Variants in SKIC8 observed in about 807,000 individuals in gnomAD.
SKIC8 encodes the protein SKI8 subunit of superkiller complex.
At chr15:78,296,698 T>C in the SKIC8 span, among the ~76,000 whole-genome samples, 21 of 152,168 alleles carry the variant, frequency 1.4e-4, no homozygotes, top group Non-Finnish European at 2.4e-4. Context: ...AGATGGGGTC[T>C]CCCTATGTTG....
the SKIC8 span, chr15:78,292,782 A>G: frequency 1.1e-5 from 17 of 1,613,312 alleles, no homozygotes; most frequent in Non-Finnish European, 1.3e-5. Context: ...CCAGCCTCTC[A>G]TCACGCCTTC....
At chr15:78,291,922 G>A in the SKIC8 span, 2 of 152,256 alleles carry the variant, frequency 1.3e-5, no homozygotes, top group Non-Finnish European at 2.9e-5. Context: ...AAGTAAATGT[G>A]AAGTTCAAAA....
the SKIC8 span, among the ~76,000 whole-genome samples, chr15:78,298,181 A>G: frequency 3.9e-5 from 6 of 152,326 alleles, no homozygotes; most frequent in African/African-American, 1.4e-4. Context: ...GCTGAAGCAC[A>G]GGCTTGTCCT....
At chr15:78,289,880 C>G in the SKIC8 span, 1 of 1,578,068 alleles carries the variant, frequency 6.3e-7, no homozygotes, top group East Asian at 2.2e-5. Context: ...GAATCTGTGG[C>G]AAGGACTGCA....
chr15:78,285,295 G>C, the SKIC8 span: 1 of 1,614,228 alleles, frequency 6.2e-7, no homozygotes, highest in Non-Finnish European at 8.5e-7. Flanking sequence ...GTGAACACAA[G>C]TCCTCGTTCC....
At chr15:78,291,507 C>G in the SKIC8 span, among the ~76,000 whole-genome samples, 1 of 152,054 alleles carries the variant, frequency 6.6e-6, no homozygotes, top group African/African-American at 2.4e-5. Flanking sequence ...ATACATATCC[C>G]ACCCCACGTA....
At chr15:78,289,738 T>C in the SKIC8 span, 2 of 1,603,004 alleles carry the variant, frequency 1.2e-6, no homozygotes, top group South Asian at 2.2e-5. Context: ...ATGGAGAAAT[T>C]AGCACTTTCA....
At chr15:78,291,929 A>G in the SKIC8 span, 1 of 152,384 alleles carries the variant, frequency 6.6e-6, no homozygotes, top group Admixed American at 6.5e-5. Flanking sequence ...TGTGAAGTTC[A>G]AAAGAATCCT....
At chr15:78,285,099 A>G in the SKIC8 span, 1 of 652,132 alleles carries the variant, frequency 1.5e-6, no homozygotes, top group Non-Finnish European at 2.7e-6. Context: ...CAGACTCTGC[A>G]CAGGAACTCT....
chr15:78,285,449 C>T, the SKIC8 span: 15 of 898,796 alleles, frequency 1.7e-5, no homozygotes, highest in East Asian at 1.0e-4. Flanking sequence ...CCCCATGCCT[C>T]GGTACAGGAA....
chr15:78,292,591 T>A, the SKIC8 span: 5 of 1,613,972 alleles, frequency 3.1e-6, no homozygotes, highest in South Asian at 4.4e-5. Context: ...ACCTCTATTA[T>A]CTCCCCTACA....
the SKIC8 span, chr15:78,294,971 G>A: frequency 2.8e-5 from 45 of 1,613,816 alleles, no homozygotes; most frequent in African/African-American, 6.7e-5. Flanking sequence ...AGAGAATACC[G>A]TACTAAAAAA....
chr15:78,298,416 G>C, the SKIC8 span, among the ~76,000 whole-genome samples: 1 of 152,208 alleles, frequency 6.6e-6, no homozygotes, highest in Non-Finnish European at 1.5e-5. Flanking sequence ...AGGTACAGTA[G>C]TTCTTTAGCT....
chr15:78,286,231 C>T, the SKIC8 span: 2 of 991,822 alleles, frequency 2.0e-6, no homozygotes, highest in Admixed American at 2.4e-5. Flanking sequence ...ATAAGCTGGA[C>T]CAAATCTGCT....
the SKIC8 span, chr15:78,290,083 C>G: frequency 6.2e-7 from 1 of 1,613,890 alleles, no homozygotes; most frequent in East Asian, 2.2e-5. Flanking sequence ...GAGAAAAGGC[C>G]AAAGTCCAGG....
chr15:78,288,251 G>T, the SKIC8 span: 1 of 1,600,306 alleles, frequency 6.2e-7, no homozygotes, highest in South Asian at 1.1e-5. Context: ...GACAAGATGG[G>T]CATCAGTAGT....
the SKIC8 span, chr15:78,286,140 T>C: frequency 5.6e-6 from 9 of 1,611,432 alleles, 1 homozygote; most frequent in Non-Finnish European, 7.6e-6. Flanking sequence ...TTGTCTGAAA[T>C]GGGAAAGTTT....
chr15:78,285,922 A>G, the SKIC8 span: 2 of 818,188 alleles, frequency 2.4e-6, no homozygotes, highest in Middle Eastern at 2.4e-4. Flanking sequence ...AGAACTGCAG[A>G]AAAGAAAGGC....
chr15:78,287,077 T>C, the SKIC8 span, among the ~76,000 whole-genome samples: 2 of 152,100 alleles, frequency 1.3e-5, no homozygotes, highest in South Asian at 4.1e-4. Context: ...CATTCTTGGG[T>C]CTTCATTCAG....
Sources: gnomAD v4.1 joint callset for allele counts (sites outside exome capture counted in the v4.1 genomes callset) on GRCh38, gnomAD v4.1.1 for gene constraint, MANE v1.5 for transcripts, NCBI Gene and HGNC (gene_info 2026-07-23, HGNC 2026-07-21) for gene names.